Variants in SDK2 observed in about 807,000 individuals in gnomAD.
SDK2 encodes sidekick cell adhesion molecule 2.
SDK2 carries 105 observed loss-of-function variants against 253.9 expected under a neutral mutation model. The observed-to-expected ratio is 0.41, with a 90% CI of 0.35 to 0.49. SDK2 has a LOEUF of 0.49. SDK2 is among the 20% of genes least tolerant of loss of function. The probability of loss-of-function intolerance (pLI) is 0.06; values close to 1 mark genes in which losing one functional copy is unlikely to be tolerated. For synonymous variants in SDK2, 1,249 were observed against 1,234.9 expected (o/e 1.01, Z -0.24); for missense variants, 2,608 against 3,003.0 (o/e 0.87, Z 3.07).
intron 1 of SDK2, among the ~76,000 whole-genome samples, chr17:73,596,157 TC>T (rs2045755484): frequency 1.3e-5 from 2 of 152,064 alleles, no homozygotes; most frequent in Admixed American, 1.3e-4. Flanking sequence ...GAGACCTGGG[TC>T]CTGGGCAGCT....
In SDK2 at chr17:73,380,206, T is replaced by C. The variant is rs142020063; in HGVS notation, c.4763-657A>G. The stretch of plus-strand genomic sequence containing the variant: ...TTCCTTCCCCTGGGTAGGTCTACCC[T>C]TTAACAGGGTTGTGAGAGGGGTGTC... On this transcript the variant is annotated intron_variant, in intron 34 of 44. Coordinates refer to ENST00000392650, the MANE Select transcript of SDK2 (RefSeq NM_001144952.2). Among the ~76,000 whole-genome samples, 8 of 152,276 alleles carry C rather than the reference T, an allele frequency of 5.3e-5. No homozygotes were observed. In the East Asian group the frequency reaches 1.5e-3, roughly 29 times the overall value.
chr17:73,519,101 A>G (rs1299845885), intron 1 of SDK2: 2 of 152,356 alleles, frequency 1.3e-5, no homozygotes, highest in Middle Eastern at 3.4e-3. Context: ...AGGCCCAGGG[A>G]TGCGTCCAAG....
intron 29 of SDK2, among the ~76,000 whole-genome samples, chr17:73,388,476 C>T (rs546813203): frequency 7.2e-5 from 11 of 152,284 alleles, no homozygotes; most frequent in African/African-American, 1.7e-4. Context: ...CTCGCTGCCC[C>T]GCCCCTTCTG....
At chr17:73,533,350 G>A (rs1457460286) in intron 1 of SDK2, among the ~76,000 whole-genome samples, 3 of 152,352 alleles carry the variant, frequency 2.0e-5, no homozygotes, top group African/African-American at 4.8e-5. Context: ...GCAGGCTGCC[G>A]AGCCTGGAGG....
At chr17:73,585,428 G>A (rs369286236) in intron 1 of SDK2, among the ~76,000 whole-genome samples, 2 of 152,330 alleles carry the variant, frequency 1.3e-5, no homozygotes, top group Middle Eastern at 3.4e-3. Flanking sequence ...TCCCCCGGAG[G>A]GGGTGTTAAA....
intron 1 of SDK2, among the ~76,000 whole-genome samples, chr17:73,589,976 C>A (rs1371879884): frequency 2.0e-5 from 3 of 152,262 alleles, no homozygotes; most frequent in Non-Finnish European, 4.4e-5. Flanking sequence ...AATGTGTCCA[C>A]TCCTCTCTAG....
At chr17:73,584,934 T>A (rs1256664017) in intron 1 of SDK2, among the ~76,000 whole-genome samples, 2 of 152,240 alleles carry the variant, frequency 1.3e-5, no homozygotes, top group Admixed American at 1.3e-4. Context: ...CGGATGCTGA[T>A]GGCCGTTCAT....
intron 1 of SDK2, among the ~76,000 whole-genome samples, chr17:73,564,001 T>G (rs2045275860): frequency 6.6e-6 from 1 of 152,140 alleles, no homozygotes; most frequent in African/African-American, 2.4e-5. Context: ...GCTCAAGCGA[T>G]CCACCCACCT....
At chr17:73,529,174 C>T (rs900886758) in intron 1 of SDK2, among the ~76,000 whole-genome samples, 4 of 152,070 alleles carry the variant, frequency 2.6e-5, no homozygotes, top group Admixed American at 6.5e-5. Flanking sequence ...GAGGTGGTTT[C>T]GTCTGTAATG....
Position 73,337,248 on chromosome 17 carries a change from G to A in SDK2, c.*1339C>T, listed in dbSNP as rs2062387873. On this transcript the variant is annotated 3_prime_UTR_variant, in exon 45 of 45. Coordinates refer to ENST00000392650, the MANE Select transcript of SDK2 (RefSeq NM_001144952.2). ...GAGCCCAGCCTGGAAGCTGTTACTG[G>A]GGGTTAGGGTGTCTTTGCCTTTTTG... 1 of 152,328 alleles carries A rather than the reference G, an allele frequency of 6.6e-6. No homozygotes were observed. The highest frequency in any genetic ancestry group is 6.5e-5 in the Admixed American group (1 of 15,286). The allele number at this position is 152,328 out of a possible 1,614,324, so 9.4% of individuals were successfully genotyped here. A position where few individuals can be genotyped will look rare whatever the true frequency, so the allele number is the denominator to read the frequency against.
intron 1 of SDK2, among the ~76,000 whole-genome samples, chr17:73,565,749 CG>C (rs1255653658): frequency 6.6e-6 from 1 of 152,222 alleles, no homozygotes; most frequent in Non-Finnish European, 1.5e-5. Flanking sequence ...CCCCCATGAA[CG>C]GCTTGGTGCC....
intron 3 of SDK2, among the ~76,000 whole-genome samples, chr17:73,466,181 A>T (rs1028897623): frequency 6.6e-6 from 1 of 152,210 alleles, no homozygotes; most frequent in Non-Finnish European, 1.5e-5. Flanking sequence ...CCTGGAGAGC[A>T]GGAGTAGAGA....
At position 73,447,711 on chromosome 17, in the gene SDK2, T is replaced by C. The variant is rs2063463421; in HGVS notation, c.517A>G (p.Thr173Ala). The stretch of plus-strand genomic sequence containing the variant: ...TAGCGACCTGCGTCAGGGGCCACCG[T>C]TGACAGGATGACAAGGGTGTTCTCC... ...TLENTLVILSTVAPDAGRYYV... is the reference protein window; with the variant it reads ...TLENTLVILSAVAPDAGRYYV... The change falls in exon 5 of 45, where the codon ACG (threonine) becomes GCG (alanine). Residue 173 changes from threonine (T) to alanine (A), a missense_variant. Physicochemically the swap from Thr to Ala is moderately conservative, Grantham distance 58. Transcript: ENST00000392650. This position sits in a 1 kb window ranked among gnomAD's most constrained non-coding sequence, Gnocchi z 4.0. 2 of 1,551,518 alleles carry C rather than the reference T, an allele frequency of 1.3e-6. No individual in the cohort carries two copies. Among genetic ancestry groups the C allele is most frequent in the African/African-American group, 2.7e-5 (2 of 72,990 alleles).
chr17:73,433,743 G>A lies in SDK2; in HGVS notation c.1301C>T (p.Thr434Ile). The A allele has an allele frequency of 6.2e-7, 1 of 1,603,372 alleles. No individual in the cohort carries two copies. The highest frequency in any genetic ancestry group is 8.5e-7 in the Non-Finnish European group (1 of 1,174,596). ...ETSGAPRPAI[T>I]WQKGERILAS... is the part of the protein sequence containing the mutation. Reference sequence around the variant, plus strand: ...TGTGTTCCATCTACCTTTCTGCCAAGTGATAGCTGGTCGGGGCGCCCCCGA... The same window carrying A: ...TGTGTTCCATCTACCTTTCTGCCAAATGATAGCTGGTCGGGGCGCCCCCGA... Residue 434 changes from threonine (T) to isoleucine (I), a missense_variant, in exon 10 of 45, where the codon ACT becomes ATT. Around this residue, in one of 2 missense-constraint regions of SDK2, gnomAD observed 1,505 missense variants for 1,859.1 expected, o/e 0.81. Coordinates refer to ENST00000392650, the MANE Select transcript of SDK2 (RefSeq NM_001144952.2).
chr17:73,580,040 G>A (rs2145880745), intron 1 of SDK2, among the ~76,000 whole-genome samples: 1 of 151,758 alleles, frequency 6.6e-6, no homozygotes, highest in East Asian at 1.9e-4. Context: ...GAGGGAAGAT[G>A]ATGTGAAGAT....
At chr17:73,381,373 T>C (rs911573628) in intron 33 of SDK2, among the ~76,000 whole-genome samples, 1 of 150,530 alleles carries the variant, frequency 6.6e-6, no homozygotes, top group Admixed American at 6.6e-5. Context: ...GACTGTATTA[T>C]ACACAGGCAA....
chr17:73,507,745 T>C, intron 1 of SDK2, 148 bp from the exon 2 acceptor site: 1 of 796,006 alleles, frequency 1.3e-6, no homozygotes, highest in Non-Finnish European at 1.9e-6. Flanking sequence ...GACTTGAACC[T>C]GGGTCAGTCT....
In SDK2 at chr17:73,621,484, A is replaced by G. The variant is rs2046131920; in HGVS notation, c.64+22541T>C. On this transcript the variant is annotated intron_variant, in intron 1 of 44. Coordinates refer to ENST00000392650, the MANE Select transcript of SDK2 (RefSeq NM_001144952.2). ...CCTGAAATGATGAGATGTTGAAATT[A>G]GCGGACACGAATTTTAAAGCTGCTA... 3.3e-5 allele frequency among the ~76,000 whole-genome samples: 5 copies of G among 152,230 alleles called. No individual in the cohort carries two copies. In the South Asian group the frequency reaches 1.0e-3, roughly 31 times the overall value.
intron 4 of SDK2, among the ~76,000 whole-genome samples, chr17:73,450,274 T>A (rs984862138): frequency 1.3e-5 from 2 of 152,262 alleles, no homozygotes; most frequent in East Asian, 1.9e-4. Context: ...TGTGCAGGGG[T>A]GGAAGCAGGT....
Sources: gnomAD v4.1 joint callset for allele counts (sites outside exome capture counted in the v4.1 genomes callset) on GRCh38, gnomAD v4.1.1 for gene constraint, gnomAD v4.1.1 regional missense constraint, Gnocchi (gnomAD v3.1) non-coding constraint, MANE v1.5 for transcripts, NCBI Gene and HGNC (gene_info 2026-07-23, HGNC 2026-07-21) for gene names.